The following DUSP11 variants were observed in gnomAD, a reference collection of about 807,000 sequenced individuals.
DUSP11 encodes RNA/RNP complex-1-interacting phosphatase.
A neutral mutation model predicts 41.4 loss-of-function variants in DUSP11; 27 were observed. The ratio of observed to expected loss-of-function variants is 0.65; its 90% CI spans 0.48 to 0.90. The LOEUF (loss-of-function observed/expected upper bound fraction) is 0.90, where lower values mean the gene tolerates loss of function less well. DUSP11 is among the 40% of genes least tolerant of loss of function. The pLI is 0.00. For synonymous variants in DUSP11, 188 were observed against 159.3 expected (o/e 1.18, Z -1.35); for missense variants, 465 against 461.1 (o/e 1.01, Z -0.08).
intron 3 of DUSP11, 70 bp from the exon 4 acceptor site, chr2:73,773,993 G>T: frequency 1.6e-6 from 2 of 1,285,988 alleles, no homozygotes; most frequent in South Asian, 3.4e-5. Flanking sequence ...GTAATTAGGG[G>T]ACCCAGAATA....
At position 73,766,913 on chromosome 2, in the gene DUSP11, G is replaced by T. The variant is rs772326055; in HGVS notation, c.683-10C>A. ...CGGCACCTATTGAATACTGAGGAGA[G>T]GATAAACTGTTAGAAATAACTGTAC... is the stretch of plus-strand genomic sequence containing the variant. On this transcript the variant is annotated splice_polypyrimidine_tract_variant and intron_variant, in intron 6 of 8. Coordinates refer to ENST00000272444, the Ensembl canonical transcript of DUSP11. 8 of 1,602,824 alleles carry T rather than the reference G, an allele frequency of 5.0e-6. No individual in the cohort carries two copies. The highest frequency in any genetic ancestry group is 6.8e-6 in the Non-Finnish European group (8 of 1,173,444).
At chr2:73,771,401 G>A (rs1442115985) in intron 4 of DUSP11, among the ~76,000 whole-genome samples, 1 of 152,102 alleles carries the variant, frequency 6.6e-6, no homozygotes, top group African/African-American at 2.4e-5. Flanking sequence ...CATCCCTGCA[G>A]CTCGAATGTT....
chr2:73,776,413 C>CAAAAAA (rs70965758), intron 2 of DUSP11, among the ~76,000 whole-genome samples: 4 of 99,424 alleles, frequency 4.0e-5, no homozygotes, highest in Non-Finnish European at 7.8e-5. Flanking sequence ...GACACCATCT[C>CAAAAAA]AAAAAAAAAA....
At chr2:73,779,073 T>C (rs1262208141) in intron 1 of DUSP11, among the ~76,000 whole-genome samples, 3 of 151,996 alleles carry the variant, frequency 2.0e-5, no homozygotes, top group African/African-American at 4.8e-5. Context: ...ATCGCTTGAA[T>C]CCGGGAGGCG....
At chr2:73,773,631 G>A in intron 4 of DUSP11, 169 bp downstream of exon 4, 1 of 637,098 alleles carries the variant, frequency 1.6e-6, no homozygotes, top group Non-Finnish European at 2.6e-6. Flanking sequence ...TAAATTATTT[G>A]TGATCAACAA....
intron 8 of DUSP11, among the ~76,000 whole-genome samples, chr2:73,765,191 C>T (rs567406161): frequency 5.9e-5 from 9 of 152,088 alleles, no homozygotes; most frequent in Non-Finnish European, 1.2e-4. Flanking sequence ...TAGGTACCAT[C>T]CAATAGGCTG....
chr2:73,767,545 C>T, intron 5 of DUSP11: 1 of 181,494 alleles, frequency 5.5e-6, no homozygotes, highest in Non-Finnish European at 1.1e-5. Flanking sequence ...GAGTATTTAT[C>T]AGAAACCAAC....
At chr2:73,773,877 T>C in exon 4 of DUSP11, 1 of 1,604,976 alleles carries the variant, frequency 6.2e-7, no homozygotes, top group Non-Finnish European at 8.5e-7. Flanking sequence ...AGGCACTTGA[T>C]GTCCAACTGT....
chr2:73,765,849 T>C (rs1000782872), intron 8 of DUSP11, among the ~76,000 whole-genome samples: 1 of 152,216 alleles, frequency 6.6e-6, no homozygotes, highest in African/African-American at 2.4e-5. Flanking sequence ...TCCTTTTTGA[T>C]AGCCACATCA....
intron 5 of DUSP11, 130 bp downstream of exon 5, chr2:73,769,135 T>C (rs1239870055): frequency 5.9e-6 from 4 of 679,778 alleles, no homozygotes; most frequent in Admixed American, 5.7e-5. Flanking sequence ...TGGTAATCTC[T>C]GGGTGGGGAG....
At chr2:73,779,307 A>T (rs1189312736) in intron 1 of DUSP11, among the ~76,000 whole-genome samples, 1 of 152,252 alleles carries the variant, frequency 6.6e-6, no homozygotes, top group Non-Finnish European at 1.5e-5. Context: ...TTATTGAGGT[A>T]TGAGATGGTG....
intron 8 of DUSP11, among the ~76,000 whole-genome samples, chr2:73,763,438 T>G (rs10189946): frequency 3.3e-5 from 5 of 152,142 alleles, no homozygotes; most frequent in African/African-American, 1.2e-4. Context: ...AAAAGAAAAT[T>G]TGGGGCTGGG....
rs531028902 is a variant in DUSP11, at chr2:73,768,636, G to C, written c.635+629C>G. On this transcript the variant is annotated intron_variant, in intron 5 of 8. Transcript: ENST00000272444. ...TTCTGACTTTTGTGTTCATCGGTGT[G>C]CAAAGAACAACGCAGGCCTTAAAAA... 2.7e-5 allele frequency: 27 copies of C among 985,338 alleles called. No homozygotes were observed. The South Asian group carries it at 1.2e-3, about 43-fold the overall frequency. 61.0% of individuals were successfully genotyped at this position (985,338 alleles called of 1,614,324 possible).
Position 73,772,041 on chromosome 2 carries a change from C to T in DUSP11, c.574+1759G>A, listed in dbSNP as rs186542224. Among the ~76,000 whole-genome samples, 545 of 151,578 alleles carry T rather than the reference C, an allele frequency of 3.6e-3. 4 individuals are homozygous for T. The highest frequency in any genetic ancestry group is 0.013 in the African/African-American group (518 of 41,312). On this transcript the variant is annotated intron_variant, in intron 4 of 8. Coordinates refer to ENST00000272444, the Ensembl canonical transcript of DUSP11. ...TTCACCGTGTTAGCCAGGATGGTCT[C>T]GATCTCCTGACCTCGTGATCCGCCC...
rs570133708 is a variant in DUSP11, at chr2:73,764,071, A to G, written c.936-1212T>C. Among the ~76,000 whole-genome samples the G allele has an allele frequency of 1.5e-4, 23 of 152,330 alleles. No homozygotes were observed. The South Asian group carries it at 1.7e-3, about 11-fold the overall frequency. On this transcript the variant is annotated intron_variant, in intron 8 of 8. Transcript: ENST00000272444. ...CCTGAGCTAGCCCAGCATCTGACAC[A>G]TGGAAGGGAGTTTGAGAAATGTGCT... is the stretch of plus-strand genomic sequence containing the variant.
chr2:73,772,784 C>T (rs140712482), intron 4 of DUSP11, among the ~76,000 whole-genome samples: 2 of 152,296 alleles, frequency 1.3e-5, no homozygotes, highest in African/African-American at 2.4e-5. Context: ...ATTAAGTGAG[C>T]GACTAGGTTA....
intron 4 of DUSP11, 110 bp from the exon 5 acceptor site, chr2:73,769,435 A>G (rs1294259564): frequency 1.2e-5 from 10 of 818,510 alleles, no homozygotes; most frequent in African/African-American, 1.7e-5. Flanking sequence ...TTTTCTAGGA[A>G]CATACTATAA....
chr2:73,775,118 T>C, intron 2 of DUSP11, 74 bp from the exon 3 acceptor site: 1 of 1,286,900 alleles, frequency 7.8e-7, no homozygotes, highest in African/African-American at 1.5e-5. Context: ...ATTCAAGTCC[T>C]GTGATGCTAA....
chr2:73,769,320 G>C, exon 5 of DUSP11: 1 of 1,611,146 alleles, frequency 6.2e-7, no homozygotes, highest in South Asian at 1.1e-5. Context: ...ACACCAATAA[G>C]TTTATCTATA....
Sources: gnomAD v4.1 joint callset for allele counts (sites outside exome capture counted in the v4.1 genomes callset) on GRCh38, gnomAD v4.1.1 for gene constraint, MANE v1.5 for transcripts, NCBI Gene and HGNC (gene_info 2026-07-23, HGNC 2026-07-21) for gene names.